The following SOX5 variants were observed in gnomAD, a reference collection of about 807,000 sequenced individuals.
The protein encoded by SOX5 is SRY-box transcription factor 5.
A neutral mutation model predicts 92.0 loss-of-function variants in SOX5; 9 were observed. The ratio of observed to expected loss-of-function variants is 0.10; its 90% CI spans 0.06 to 0.17. The LOEUF (loss-of-function observed/expected upper bound fraction) is 0.17. Among genes scored for constraint, SOX5 ranks in the 10% least tolerant of loss-of-function variants. SOX5 has a pLI of 1.00. For synonymous variants in SOX5, 344 were observed against 336.3 expected (o/e 1.02, Z -0.25); for missense variants, 642 against 944.5 (o/e 0.68, Z 4.20).
chr12:24,535,795 T>C (rs1022731060), intron 1 of SOX5, among the ~76,000 whole-genome samples: 4 of 152,312 alleles, frequency 2.6e-5, no homozygotes, highest in South Asian at 2.1e-4. Context: ...CAGTTCCTGA[T>C]AGAACCATTC....
upstream of SOX5, among the ~76,000 whole-genome samples, chr12:23,951,822 G>A (rs1945688642): frequency 6.6e-6 from 1 of 152,096 alleles, no homozygotes; most frequent in African/African-American, 2.4e-5. Context: ...AGCAGTTGGG[G>A]AAGGGGGGAA....
intron 4 of SOX5, among the ~76,000 whole-genome samples, chr12:23,750,959 T>C (rs2094161940): frequency 1.3e-5 from 2 of 151,928 alleles, no homozygotes; most frequent in Non-Finnish European, 2.9e-5. Flanking sequence ...ACTCACTCTT[T>C]GCTTTTATAG....
At chr12:24,341,991 A>G (rs2141076627) in intron 2 of SOX5, among the ~76,000 whole-genome samples, 1 of 152,176 alleles carries the variant, frequency 6.6e-6, no homozygotes, top group South Asian at 2.1e-4. Context: ...CCCTCCATAA[A>G]ACTATCTGAC....
At chr12:23,537,137 T>C (rs1047143416) in intron 13 of SOX5, among the ~76,000 whole-genome samples, 3 of 152,256 alleles carry the variant, frequency 2.0e-5, no homozygotes, top group East Asian at 1.9e-4. Flanking sequence ...AATGTTTAAG[T>C]ATTTTAAGCT....
intron 1 of SOX5, among the ~76,000 whole-genome samples, chr12:24,387,417 A>C (rs917868667): frequency 6.6e-6 from 1 of 152,302 alleles, no homozygotes; most frequent in South Asian, 2.1e-4. Context: ...GTGTGACCCA[A>C]GACAATTCTT....
At chr12:24,516,877 A>C (rs577619454) in intron 1 of SOX5, among the ~76,000 whole-genome samples, 29 of 152,304 alleles carry the variant, frequency 1.9e-4, no homozygotes, top group Non-Finnish European at 3.5e-4. Flanking sequence ...AGAAAAGATA[A>C]AAATAATAAT....
chr12:24,450,292 C>T (rs1434527983), intron 1 of SOX5, among the ~76,000 whole-genome samples: 1 of 152,064 alleles, frequency 6.6e-6, no homozygotes, highest in Non-Finnish European at 1.5e-5. Context: ...GTAACTCAAA[C>T]TTTGTTGTTT....
At chr12:23,866,772 C>G (rs968111037) in intron 2 of SOX5, among the ~76,000 whole-genome samples, 1 of 152,130 alleles carries the variant, frequency 6.6e-6, no homozygotes, top group Non-Finnish European at 1.5e-5. Flanking sequence ...CATCTTCAAT[C>G]CTCTAAAATA....
intron 4 of SOX5, among the ~76,000 whole-genome samples, chr12:24,001,473 A>T (rs1014470214): frequency 2.6e-5 from 4 of 152,192 alleles, no homozygotes; most frequent in African/African-American, 9.6e-5. Flanking sequence ...ATATTTGGAA[A>T]TTAAAAACAC....
At chr12:24,123,551 GTTGAAA>G (rs1277920678) in intron 4 of SOX5, among the ~76,000 whole-genome samples, 1 of 152,102 alleles carries the variant, frequency 6.6e-6, no homozygotes, top group Non-Finnish European at 1.5e-5. Context: ...CCATCATGTA[GTTGAAA>G]TGTGAATAAT....
intron 1 of SOX5, among the ~76,000 whole-genome samples, chr12:24,373,251 T>C (rs769091191): frequency 6.6e-6 from 1 of 152,246 alleles, no homozygotes; most frequent in Non-Finnish European, 1.5e-5. Flanking sequence ...AATATGTTCC[T>C]ATAGTTGCTC....
intron 4 of SOX5, among the ~76,000 whole-genome samples, chr12:23,957,650 A>T (rs116355301): frequency 1.9e-3 from 286 of 152,296 alleles, no homozygotes; most frequent in Middle Eastern, 0.01. Context: ...CACTCTGAAG[A>T]GCTGCTTCCA....
intron 2 of SOX5, among the ~76,000 whole-genome samples, chr12:24,295,456 C>T (rs765072574): frequency 1.6e-4 from 24 of 152,160 alleles, no homozygotes; most frequent in Non-Finnish European, 3.4e-4. Flanking sequence ...GCACTGTGGA[C>T]GGAAGTGCAA....
At chr12:24,156,298 T>C (rs1952164921) in intron 4 of SOX5, among the ~76,000 whole-genome samples, 1 of 152,172 alleles carries the variant, frequency 6.6e-6, no homozygotes, top group Non-Finnish European at 1.5e-5. Context: ...TCTGAAAGCA[T>C]AACCTGCTTG....
chr12:23,777,201 T>A (rs757173759), intron 3 of SOX5, among the ~76,000 whole-genome samples: 1 of 152,152 alleles, frequency 6.6e-6, no homozygotes, highest in Non-Finnish European at 1.5e-5. Flanking sequence ...GATTTGGAGA[T>A]CATTCTTGAT....
intron 4 of SOX5, among the ~76,000 whole-genome samples, chr12:24,184,333 A>C (rs1955812456): frequency 1.3e-5 from 2 of 152,210 alleles, no homozygotes; most frequent in Admixed American, 1.3e-4. Context: ...CAACTATTAC[A>C]CTAGATGATA....
At chr12:24,428,761 C>CAAAAAAAAAAAAAAAAAAAA (rs1967056422) in intron 1 of SOX5, among the ~76,000 whole-genome samples, 1 of 52,560 alleles carries the variant, frequency 1.9e-5, no homozygotes, top group Non-Finnish European at 4.1e-5. Flanking sequence ...AAAAAAAAAG[C>CAAAAAAAAAAAAAAAAAAAA]TAATTTCCTC....
chr12:23,861,655 T>C (rs1361423475), intron 2 of SOX5, among the ~76,000 whole-genome samples: 2 of 152,150 alleles, frequency 1.3e-5, no homozygotes, highest in Admixed American at 1.3e-4. Context: ...TTCAAGAGAA[T>C]ACAAGCTCTA....
chr12:23,880,671 T>C lies in SOX5; in HGVS notation c.270+15122A>G, dbSNP rs561869486. On this transcript the variant is annotated intron_variant, in intron 2 of 14. Transcript: ENST00000451604. ...GGAAAAGCAATAACCTGGTTACCTC[T>C]ATATAAGGCACAACCCCCTTTCTAG... Among the ~76,000 whole-genome samples, 279 of 152,286 alleles carry C rather than the reference T, an allele frequency of 1.8e-3. 1 individual carries two copies. Among genetic ancestry groups the C allele is most frequent in the Non-Finnish European group, 2.8e-4 (19 of 68,022 alleles).
Sources: gnomAD v4.1 joint callset for allele counts (sites outside exome capture counted in the v4.1 genomes callset) on GRCh38, gnomAD v4.1.1 for gene constraint, MANE v1.5 for transcripts, NCBI Gene and HGNC (gene_info 2026-07-23, HGNC 2026-07-21) for gene names.